CTNNA3: variants seen among roughly 807,000 people sequenced by gnomAD.
CTNNA3 encodes the protein catenin alpha-3.
Under a neutral mutation model 95.7 loss-of-function variants are expected in CTNNA3, and 76 were observed. The observed-to-expected ratio is 0.79, with a 90% CI of 0.66 to 0.96. CTNNA3 has a LOEUF of 0.96. Ranked by LOEUF, CTNNA3 falls within the 40% of genes least tolerant of loss-of-function variation. The pLI is 0.00. For missense variants in CTNNA3, 1,191 were observed against 1,089.8 expected, an observed-to-expected ratio of 1.09 and a Z score of -1.31; for synonymous variants, 431 against 374.4, an observed-to-expected ratio of 1.15 and a Z score of -1.74.
rs187675344 is a variant in CTNNA3 at position 67,106,591 on chromosome 10, A to G, written c.1047+73726T>C. Among the ~76,000 whole-genome samples the G allele has an allele frequency of 2.9e-3, 437 of 152,306 alleles. 1 individual carries two copies. Among genetic ancestry groups the G allele is most frequent in the African/African-American group, 9.8e-3 (409 of 41,574 alleles). On this transcript the variant is annotated intron_variant, in intron 7 of 17. Transcript: ENST00000433211. Reference sequence around the variant, plus strand: ...AATTAATAATAATCCTATGAAGTAGATACTATTGTTTTTCCCTTAGAAAGA... The same window carrying G: ...AATTAATAATAATCCTATGAAGTAGGTACTATTGTTTTTCCCTTAGAAAGA...
chr10:66,931,353 T>C (rs1349168125), intron 7 of CTNNA3, among the ~76,000 whole-genome samples: 3 of 152,328 alleles, frequency 2.0e-5, no homozygotes, highest in African/African-American at 7.2e-5. Context: ...TACCACAGCA[T>C]GTAGTTAAAT....
intron 2 of CTNNA3, among the ~76,000 whole-genome samples, chr10:67,624,113 C>G (rs903142835): frequency 2.0e-5 from 3 of 152,126 alleles, no homozygotes; most frequent in Admixed American, 6.6e-5. Context: ...TGAGCCACTG[C>G]GCCCAGCCGA....
At chr10:66,605,318 C>T (rs1012374004) in intron 10 of CTNNA3, among the ~76,000 whole-genome samples, 1 of 151,948 alleles carries the variant, frequency 6.6e-6, no homozygotes, top group Non-Finnish European at 1.5e-5. Context: ...TGTAAAGAAA[C>T]AAAATCTATG....
Position 66,693,610 on chromosome 10 carries a change from C to T in CTNNA3, c.1282-71826G>A, listed in dbSNP as rs1210369589. ...TGAACTCAGTTCTGCACCAAGCGGA[C>T]CTAATAGACATCTACAGAACTCTTC... is the stretch of plus-strand genomic sequence containing the variant. On this transcript the variant is annotated intron_variant, in intron 9 of 17. Transcript: ENST00000433211. 2.6e-5 allele frequency among the ~76,000 whole-genome samples: 4 copies of T among 151,912 alleles called. No individual in the cohort carries two copies. In the East Asian group the frequency reaches 7.8e-4, roughly 30 times the overall value.
intron 11 of CTNNA3, among the ~76,000 whole-genome samples, chr10:66,495,206 T>C (rs960926498): frequency 3.9e-5 from 6 of 152,184 alleles, no homozygotes; most frequent in Non-Finnish European, 8.8e-5. Context: ...AATTATTCTT[T>C]GGCTAGCCCA....
chr10:66,153,681 A>G (rs916969981), intron 13 of CTNNA3, among the ~76,000 whole-genome samples: 7 of 151,864 alleles, frequency 4.6e-5, no homozygotes, highest in Non-Finnish European at 7.4e-5. Context: ...TCATTCCTGG[A>G]TGCCAAGAGG....
rs577421355 is a variant in CTNNA3, at chr10:67,705,522, G to A, written c.-2+57912C>T. On this transcript the variant is annotated intron_variant, in intron 1 of 17. Coordinates refer to the CTNNA3 transcript ENST00000684154. ...AAATCATCATTCTCAGTAAACTATC[G>A]CAAGAACAAAAAAACAAACACCGCA... Among the ~76,000 whole-genome samples the A allele has an allele frequency of 2.5e-3, 367 of 147,184 alleles. 1 individual carries two copies. Among genetic ancestry groups the A allele is most frequent in the African/African-American group, 7.7e-3 (309 of 39,972 alleles).
intron 11 of CTNNA3, among the ~76,000 whole-genome samples, chr10:66,476,247 A>C (rs1839323687): frequency 6.6e-6 from 1 of 151,936 alleles, no homozygotes; most frequent in South Asian, 2.1e-4. Context: ...GCATCAGAAA[A>C]AATAGCTAAT....
At chr10:67,419,135 C>T (rs1042485267) in intron 5 of CTNNA3, among the ~76,000 whole-genome samples, 25 of 152,100 alleles carry the variant, frequency 1.6e-4, no homozygotes, top group Non-Finnish European at 5.9e-5. Flanking sequence ...AATTATTCCA[C>T]CTCTACCATG....
intron 7 of CTNNA3, among the ~76,000 whole-genome samples, chr10:66,957,444 A>G: frequency 4.4e-5 from 1 of 22,764 alleles, no homozygotes; most frequent in East Asian, 7.4e-4. Flanking sequence ...ATATATATGC[A>G]TATATATATA....
At chr10:66,235,295 T>G (rs2089793519) in intron 13 of CTNNA3, among the ~76,000 whole-genome samples, 1 of 152,062 alleles carries the variant, frequency 6.6e-6, no homozygotes, top group Non-Finnish European at 1.5e-5. Flanking sequence ...TGCTTTAAAA[T>G]TTTATTTCCA....
chr10:66,714,915 T>A (rs147637473), intron 9 of CTNNA3, among the ~76,000 whole-genome samples: 1 of 152,158 alleles, frequency 6.6e-6, no homozygotes, highest in South Asian at 2.1e-4. Flanking sequence ...TGTAATACCC[T>A]TTCTGTTCTC....
rs5785760 is a variant in CTNNA3, at chr10:66,516,064, G to GA, written c.1531+4552dup. 5.3e-3 allele frequency among the ~76,000 whole-genome samples: 747 copies of GA among 141,238 alleles called. 9 individuals are homozygous for GA. The highest frequency in any genetic ancestry group is 0.018 in the African/African-American group (675 of 38,282). The allele number at this position is 141,238 out of a possible 152,430, so 92.7% of individuals were successfully genotyped here. On this transcript the variant is annotated intron_variant, in intron 11 of 17. Transcript: ENST00000433211. ...TATTCAAACTATGATTAATTATCTGGAAAAAAAAAAAAAAAAGGTAACCCA... is the reference window on the plus strand; with the variant it reads ...TATTCAAACTATGATTAATTATCTGGAAAAAAAAAAAAAAAAAGGTAACCCA...
At chr10:66,935,633 A>T (rs7918735) in intron 7 of CTNNA3, among the ~76,000 whole-genome samples, 44,167 of 151,624 alleles carry the variant, frequency 0.29, 6,713 homozygotes, top group Middle Eastern at 0.33. Context: ...TGCCTAAAAA[A>T]ATATATATAT....
At chr10:66,093,272 C>A (rs903791093) in intron 14 of CTNNA3, among the ~76,000 whole-genome samples, 1 of 152,032 alleles carries the variant, frequency 6.6e-6, no homozygotes, top group Non-Finnish European at 1.5e-5. Flanking sequence ...AAAGATCAAA[C>A]TGCTCAAGTA....
intron 13 of CTNNA3, among the ~76,000 whole-genome samples, chr10:66,226,997 A>T (rs552137288): frequency 6.6e-6 from 1 of 152,106 alleles, no homozygotes; most frequent in Non-Finnish European, 1.5e-5. Context: ...TGTCATCTCC[A>T]TATAGGGATA....
At chr10:67,144,952 A>G (rs1193476255) in intron 7 of CTNNA3, among the ~76,000 whole-genome samples, 1 of 152,156 alleles carries the variant, frequency 6.6e-6, no homozygotes, top group Non-Finnish European at 1.5e-5. Context: ...CTTTTGATTT[A>G]AAGAGACGTG....
At chr10:67,108,971 TTAAAG>T (rs1249050124) in intron 7 of CTNNA3, among the ~76,000 whole-genome samples, 2 of 152,114 alleles carry the variant, frequency 1.3e-5, no homozygotes, top group Non-Finnish European at 2.9e-5. Flanking sequence ...TTGAATAAAC[TTAAAG>T]TAATTAATAA....
intron 11 of CTNNA3, among the ~76,000 whole-genome samples, chr10:66,440,119 A>T (rs1158161831): frequency 6.6e-6 from 1 of 152,168 alleles, no homozygotes; most frequent in Non-Finnish European, 1.5e-5. Context: ...TCCAATAAAT[A>T]TTATTGTTCA....
Sources: gnomAD v4.1 joint callset for allele counts (sites outside exome capture counted in the v4.1 genomes callset) on GRCh38, gnomAD v4.1.1 for gene constraint, MANE v1.5 for transcripts, NCBI Gene and HGNC (gene_info 2026-07-23, HGNC 2026-07-21) for gene names.